Variants in NFXL1 observed in about 807,000 individuals in gnomAD.
NFXL1 encodes the protein NF-X1-type zinc finger protein NFXL1.
NFXL1 carries 66 observed loss-of-function variants against 123.3 expected under a neutral mutation model. The observed-to-expected ratio is 0.54, with a 90% CI of 0.44 to 0.66. NFXL1 has a LOEUF of 0.66. Among genes scored for constraint, NFXL1 ranks in the 30% least tolerant of loss-of-function variants. NFXL1 has a pLI of 0.00. For missense variants in NFXL1, 944 were observed against 1,125.6 expected (o/e 0.84, Z 2.31); for synonymous variants, 346 against 360.8 (o/e 0.96, Z 0.46).
intron 15 of NFXL1, among the ~76,000 whole-genome samples, chr4:47,880,549 G>A (rs180986921): frequency 1.3e-4 from 20 of 149,402 alleles, no homozygotes; most frequent in Middle Eastern, 6.9e-3. Flanking sequence ...AGCAAATAAC[G>A]CAATATAAAA....
chr4:47,892,511 G>C (rs1188480306), intron 11 of NFXL1, among the ~76,000 whole-genome samples: 1 of 152,146 alleles, frequency 6.6e-6, no homozygotes. Context: ...GGAGAAGGCA[G>C]AATAATTTCA....
intron 20 of NFXL1, among the ~76,000 whole-genome samples, chr4:47,853,808 T>C (rs1734258785): frequency 6.6e-6 from 1 of 152,076 alleles, no homozygotes; most frequent in Non-Finnish European, 1.5e-5. Context: ...CGAGTCTGCA[T>C]ATACCTACAC....
chr4:47,885,764 A>C, intron 13 of NFXL1, 107 bp from the exon 14 acceptor site: 1 of 1,332,134 alleles, frequency 7.5e-7, no homozygotes, highest in Non-Finnish European at 1.0e-6. Flanking sequence ...TAGAATGAGT[A>C]TACTGTGAAT....
At chr4:47,872,377 G>T (rs1436109815) in intron 18 of NFXL1, among the ~76,000 whole-genome samples, 1 of 150,978 alleles carries the variant, frequency 6.6e-6, no homozygotes, top group Non-Finnish European at 1.5e-5. Context: ...CAGGAGAATT[G>T]CTTGAACCCA....
intron 14 of NFXL1, 47 bp from the exon 15 acceptor site, chr4:47,884,484 T>C (rs762481556): frequency 5.6e-5 from 65 of 1,157,404 alleles, no homozygotes; most frequent in Non-Finnish European, 7.8e-5. Context: ...GATTAAATCA[T>C]ATGGCCATTT....
rs1321460434 is a variant in NFXL1, at chr4:47,908,950, G to A, written c.406+1874C>T. On this transcript the variant is annotated intron_variant, in intron 3 of 22. Coordinates refer to ENST00000507489, the MANE Select transcript of NFXL1 (RefSeq NM_001278624.2). ...AGCCTGGGCGACAGAGTGAGACTCCGTCGCAAAAAAAAAAAAAAAAAAGAA... is the reference window on the plus strand; with the variant it reads ...AGCCTGGGCGACAGAGTGAGACTCCATCGCAAAAAAAAAAAAAAAAAAGAA... 1.9e-3 allele frequency among the ~76,000 whole-genome samples: 184 copies of A among 94,792 alleles called. 1 individual carries two copies. The highest frequency in any genetic ancestry group is 5.8e-3 in the African/African-American group (171 of 29,316). The allele number at this position is 94,792 out of a possible 152,430, so 62.2% of individuals were successfully genotyped here.
intron 2 of NFXL1, among the ~76,000 whole-genome samples, chr4:47,912,794 C>A (rs1299880364): frequency 6.8e-6 from 1 of 146,870 alleles, no homozygotes; most frequent in African/African-American, 2.5e-5. Context: ...GAGATGGAGA[C>A]CATCCTGGCT....
chr4:47,894,339 TTGTTAA>T (rs1736951888), intron 10 of NFXL1, 37 bp from the exon 11 acceptor site: 6 of 1,497,614 alleles, frequency 4.0e-6, no homozygotes, highest in Non-Finnish European at 5.4e-6. Context: ...AAATTGATTT[TTGTTAA>T]TATTTTTTCC....
chr4:47,892,332 A>C (rs1158782549), intron 11 of NFXL1, among the ~76,000 whole-genome samples: 1 of 152,210 alleles, frequency 6.6e-6, no homozygotes, highest in Non-Finnish European at 1.5e-5. Context: ...TGAGTAGGCA[A>C]AATTCGTAGT....
chr4:47,859,639 A>C (rs1463435571), intron 19 of NFXL1, among the ~76,000 whole-genome samples: 1 of 151,994 alleles, frequency 6.6e-6, no homozygotes, highest in Non-Finnish European at 1.5e-5. Flanking sequence ...TCAGGGGTTC[A>C]AGACCAGCCT....
At chr4:47,863,763 CAGTG>C (rs1272947728) in intron 18 of NFXL1, among the ~76,000 whole-genome samples, 1 of 152,198 alleles carries the variant, frequency 6.6e-6, no homozygotes, top group Non-Finnish European at 1.5e-5. Flanking sequence ...TTTTATATCT[CAGTG>C]AGTAATTCAG....
chr4:47,906,527 T>C (rs1271322927), intron 3 of NFXL1, among the ~76,000 whole-genome samples: 1 of 152,152 alleles, frequency 6.6e-6, no homozygotes, highest in Admixed American at 6.5e-5. Context: ...CTCAAAACTA[T>C]AAATTATTAT....
intron 3 of NFXL1, among the ~76,000 whole-genome samples, chr4:47,907,797 A>C (rs1433189276): frequency 6.6e-6 from 1 of 152,228 alleles, no homozygotes; most frequent in Non-Finnish European, 1.5e-5. Context: ...TGCATTTTCT[A>C]TTTTAAAATA....
In NFXL1 at chr4:47,914,200, C is replaced by T; in HGVS notation, c.4G>A (p.Glu2Lys). ...CCGGCCACCTGGCGCCAGGAAGCTT[C>T]CATCCCTGCAAAGGAGAAAAAAAAA... The part of the protein sequence containing the change: M[E>K]ASWRQVAGGR... Residue 2 changes from glutamate to lysine, a missense_variant, in exon 2 of 23, where the codon GAA becomes AAA. Glu to Lys is a moderately conservative substitution (Grantham distance 56). This residue lies in a region of NFXL1 where 303 missense variants were observed against 292.1 expected (regional missense o/e 1.04). Coordinates refer to ENST00000507489, the MANE Select transcript of NFXL1 (RefSeq NM_001278624.2). 2 of 1,506,830 alleles carry T rather than the reference C, an allele frequency of 1.3e-6. No individual in the cohort carries two copies. The highest frequency in any genetic ancestry group is 8.9e-7 in the Non-Finnish European group (1 of 1,127,544). The allele number at this position is 1,506,830 out of a possible 1,614,324, so 93.3% of individuals were successfully genotyped here.
chr4:47,904,914 A>T (rs1737497416), intron 4 of NFXL1, among the ~76,000 whole-genome samples: 1 of 152,258 alleles, frequency 6.6e-6, no homozygotes, highest in African/African-American at 2.4e-5. Flanking sequence ...TTCCAAAAGT[A>T]ATAAAATATA....
chr4:47,853,975 T>C (rs1312506927), intron 20 of NFXL1, among the ~76,000 whole-genome samples: 2 of 152,088 alleles, frequency 1.3e-5, no homozygotes, highest in Non-Finnish European at 2.9e-5. Flanking sequence ...AACGGGTGGG[T>C]GGCATATGGC....
intron 19 of NFXL1, among the ~76,000 whole-genome samples, chr4:47,857,019 A>C (rs1319938880): frequency 6.6e-6 from 1 of 152,162 alleles, no homozygotes; most frequent in Non-Finnish European, 1.5e-5. Flanking sequence ...CTCTTTCCTT[A>C]ATTAATCTCT....
At chr4:47,882,767 T>C (rs985412467) in intron 15 of NFXL1, among the ~76,000 whole-genome samples, 13 of 152,242 alleles carry the variant, frequency 8.5e-5, no homozygotes, top group African/African-American at 3.1e-4. Context: ...TGTATAGTGA[T>C]GTTTTCTACA....
rs1738007678 is a variant in NFXL1 at position 47,914,379 on chromosome 4, C to G, written c.-17G>C. On this transcript the variant is annotated 5_prime_UTR_variant, in exon 1 of 23. Coordinates refer to ENST00000507489, the MANE Select transcript of NFXL1 (RefSeq NM_001278624.2). ...CCTGCCTTTACCGGAGGGCGAGTCC[C>G]CGCCAAGCCCGGGCTTTGGAGATGG... 3.7e-6 allele frequency: 2 copies of G among 540,278 alleles called. No homozygotes were observed. The highest frequency in any genetic ancestry group is 5.5e-5 in the South Asian group (2 of 36,296). 33.5% of individuals were successfully genotyped at this position (540,278 alleles called of 1,614,324 possible).
Sources: allele counts gnomAD v4.1 joint callset (sites outside exome capture counted in the v4.1 genomes callset), GRCh38; gene constraint gnomAD v4.1.1; regional missense constraint gnomAD v4.1.1; transcripts MANE v1.5; gene names NCBI Gene and HGNC (gene_info 2026-07-23, HGNC 2026-07-21).